The following GLRA2 variants were observed in gnomAD, a reference collection of about 807,000 sequenced individuals.
The protein encoded by GLRA2 is glycine receptor alpha 2.
A neutral mutation model predicts 31.6 loss-of-function variants in GLRA2; 11 were observed. The ratio of observed to expected loss-of-function variants is 0.35; its 90% CI spans 0.22 to 0.58. The LOEUF is 0.58. Ranked by LOEUF, GLRA2 falls within the 20% of genes least tolerant of loss-of-function variation. GLRA2 has a pLI of 0.84. For missense variants in GLRA2, 212 were observed against 351.8 expected (o/e 0.60, Z 3.18); for synonymous variants, 132 against 134.0 (o/e 0.99, Z 0.10).
At chrX:14,636,400 T>A (rs1166192425) in intron 7 of GLRA2, among the ~76,000 whole-genome samples, 1 of 111,259 alleles carries the variant, frequency 9.0e-6, no homozygotes, top group Non-Finnish European at 1.9e-5. Context: ...CTCGGTATGA[T>A]GTGATGAGAA....
intron 4 of GLRA2, among the ~76,000 whole-genome samples, chrX:14,584,391 A>G (rs768228920): frequency 1.8e-5 from 2 of 111,816 alleles, no homozygotes; most frequent in African/African-American, 6.5e-5. Context: ...CCCTTTCGCT[A>G]TATAAATTTA....
At chrX:14,702,564 C>A (rs115513757) in intron 8 of GLRA2, among the ~76,000 whole-genome samples, 2,968 of 111,673 alleles carry the variant, frequency 0.027, 96 homozygotes, top group African/African-American at 0.092. Context: ...GGTTTGAATT[C>A]TTTGCAGTAA....
chrX:14,706,992 C>T (rs189673953), intron 8 of GLRA2, among the ~76,000 whole-genome samples: 16 of 110,265 alleles, frequency 1.5e-4, no homozygotes, highest in African/African-American at 5.3e-4. Context: ...AATGTTCTTT[C>T]ACACTTCCTG....
At chrX:14,454,164 CCA>C in the GLRA2 span, among the ~76,000 whole-genome samples, 1 of 35,780 alleles carries the variant, frequency 2.8e-5, no homozygotes, top group African/African-American at 9.6e-5. Flanking sequence ...CTAAACACAC[CCA>C]CACACACCCA....
the GLRA2 span, among the ~76,000 whole-genome samples, chrX:14,516,550 C>T: frequency 9.0e-6 from 1 of 111,344 alleles, no homozygotes; most frequent in East Asian, 2.8e-4. Flanking sequence ...AGATGATGCC[C>T]CAGTGAACCG....
At chrX:14,608,800 C>T (rs963709850) in intron 6 of GLRA2, among the ~76,000 whole-genome samples, 191 bp from the exon 7 acceptor site, 1 of 110,257 alleles carries the variant, frequency 9.1e-6, no homozygotes, top group African/African-American at 3.3e-5. Context: ...CACTATTATT[C>T]CACAGTAATT....
At chrX:14,535,236 T>C (rs2089306455) in intron 2 of GLRA2, among the ~76,000 whole-genome samples, 1 of 112,315 alleles carries the variant, frequency 8.9e-6, no homozygotes, top group Admixed American at 9.4e-5. Flanking sequence ...ATTTCTCTGT[T>C]TTCCTTGCTG....
At chrX:14,552,904 T>C (rs1370617064) in intron 2 of GLRA2, among the ~76,000 whole-genome samples, 1 of 111,971 alleles carries the variant, frequency 8.9e-6, no homozygotes, top group Non-Finnish European at 1.9e-5. Flanking sequence ...TTCTGTTTCA[T>C]TAGCAACTCT....
At chrX:14,596,899 C>T (rs73454652) in intron 4 of GLRA2, among the ~76,000 whole-genome samples, 2 of 111,147 alleles carry the variant, frequency 1.8e-5, no homozygotes, top group African/African-American at 6.5e-5. Context: ...CTTATGCCCA[C>T]CAGAGACTGA....
chrX:14,557,244 T>C (rs1264809130), intron 2 of GLRA2, among the ~76,000 whole-genome samples: 1 of 103,395 alleles, frequency 9.7e-6, no homozygotes. Flanking sequence ...GCCTCCCGAG[T>C]AGCTGGGACT....
At chrX:14,611,343 GACAGAAAAC>G (rs1373360370) in intron 7 of GLRA2, among the ~76,000 whole-genome samples, 1 of 112,933 alleles carries the variant, frequency 8.9e-6, no homozygotes, top group African/African-American at 3.2e-5. Flanking sequence ...TTATAGAAAA[GACAGAAAAC>G]ACAGAAAACA....
chrX:14,730,137 G>T, intron 8 of GLRA2, 70 bp from the exon 9 acceptor site: 1 of 820,886 alleles, frequency 1.2e-6, no homozygotes. Flanking sequence ...TACTTCTAAA[G>T]AATTTTAAGC....
chrX:14,451,536 A>G, the GLRA2 span, among the ~76,000 whole-genome samples: 2 of 107,442 alleles, frequency 1.9e-5, no homozygotes, highest in African/African-American at 3.4e-5. Context: ...AGGCTGAGGC[A>G]GGAGAATTGC....
chrX:14,637,701 C>G (rs1418758692), intron 7 of GLRA2, among the ~76,000 whole-genome samples: 1 of 111,512 alleles, frequency 9.0e-6, no homozygotes, highest in East Asian at 2.8e-4. Context: ...TCCCCAAGCC[C>G]CACTGGGAGT....
At chrX:14,450,465 C>T in the GLRA2 span, among the ~76,000 whole-genome samples, 1 of 111,505 alleles carries the variant, frequency 9.0e-6, no homozygotes, top group African/African-American at 3.3e-5. Flanking sequence ...CAGGAATAGA[C>T]CTGATGAGGG....
At chrX:14,505,386 C>T in the GLRA2 span, among the ~76,000 whole-genome samples, 1 of 111,593 alleles carries the variant, frequency 9.0e-6, no homozygotes, top group Non-Finnish European at 1.9e-5. Flanking sequence ...AAGTCCTGTA[C>T]CCAAAGACAG....
chrX:14,503,578 C>A, the GLRA2 span, among the ~76,000 whole-genome samples: 2 of 111,582 alleles, frequency 1.8e-5, no homozygotes, highest in Admixed American at 1.9e-4. Context: ...GCAATACTTG[C>A]CCTCTTCAGC....
At position 14,635,344 on chromosome X, in the gene GLRA2, T is replaced by G. The variant is rs141383257; in HGVS notation, c.930+26139T>G. On this transcript the variant is annotated intron_variant, in intron 7 of 8. Transcript: ENST00000218075. ...TTGAATTGCAATGAGAGTAAATAAC[T>G]GCAGAATTATAAATGAGCTGTCATG... 4.0e-3 allele frequency among the ~76,000 whole-genome samples: 450 copies of G among 112,072 alleles called. 3 individuals are homozygous for G. Among genetic ancestry groups the G allele is most frequent in the African/African-American group, 0.014 (433 of 30,898 alleles).
chrX:14,460,845 TG>T, the GLRA2 span, among the ~76,000 whole-genome samples: 1 of 111,471 alleles, frequency 9.0e-6, no homozygotes, highest in Non-Finnish European at 1.9e-5. Flanking sequence ...GGGTTTTTTT[TG>T]TCTCTATCTC....
Sources: allele counts gnomAD v4.1 joint callset (sites outside exome capture counted in the v4.1 genomes callset), GRCh38; gene constraint gnomAD v4.1.1; transcripts MANE v1.5; gene names NCBI Gene and HGNC (gene_info 2026-07-23, HGNC 2026-07-21).